RANBP2: variants seen among roughly 807,000 people sequenced by gnomAD.
RANBP2 encodes the protein RAN binding protein 2, also known as E3 SUMO-protein ligase RanBP2.
A neutral mutation model predicts 303.6 loss-of-function variants in RANBP2; 57 were observed. The observed-to-expected ratio is 0.19, with a 90% CI of 0.15 to 0.23. RANBP2 has a LOEUF of 0.23. Among genes scored for constraint, RANBP2 ranks in the 10% least tolerant of loss-of-function variants. RANBP2 has a pLI of 1.00. For synonymous variants in RANBP2, 1,167 were observed against 1,301.5 expected (o/e 0.90, Z 2.23); for missense variants, 3,138 against 3,780.8 (o/e 0.83, Z 4.46).
At chr2:109,115,260 A>G in the RANBP2 span, among the ~76,000 whole-genome samples, 1 of 152,106 alleles carries the variant, frequency 6.6e-6, no homozygotes, top group Non-Finnish European at 1.5e-5. Flanking sequence ...ATTGTGTGGG[A>G]GTCTAAGTCT....
the RANBP2 span, among the ~76,000 whole-genome samples, chr2:109,533,363 A>G: frequency 2.6e-5 from 4 of 152,202 alleles, no homozygotes; most frequent in African/African-American, 9.7e-5. Flanking sequence ...CTCTCTGTGT[A>G]TCTTTAAAAG....
chr2:109,505,246 C>T, the RANBP2 span, among the ~76,000 whole-genome samples: 5 of 152,176 alleles, frequency 3.3e-5, no homozygotes, highest in African/African-American at 7.2e-5. Context: ...AGGGCTGGGC[C>T]GCCAGCCTGA....
At chr2:109,164,324 C>T in the RANBP2 span, among the ~76,000 whole-genome samples, 3 of 152,172 alleles carry the variant, frequency 2.0e-5, no homozygotes, top group East Asian at 3.9e-4. Flanking sequence ...GCTAGGACTA[C>T]AGCACAGGCT....
At chr2:109,220,158 AAGATC>A in the RANBP2 span, among the ~76,000 whole-genome samples, 2 of 152,272 alleles carry the variant, frequency 1.3e-5, no homozygotes, top group Non-Finnish European at 2.9e-5. Context: ...CAAAGAAGCC[AAGATC>A]AGTCAATGAG....
chr2:109,654,144 T>C, the RANBP2 span, among the ~76,000 whole-genome samples: 2 of 152,020 alleles, frequency 1.3e-5, no homozygotes, highest in African/African-American at 2.4e-5. Flanking sequence ...GATTTGGAGT[T>C]CAAGGTTCTC....
At chr2:109,672,745 G>T in the RANBP2 span, among the ~76,000 whole-genome samples, 1 of 152,050 alleles carries the variant, frequency 6.6e-6, no homozygotes, top group African/African-American at 2.4e-5. Flanking sequence ...TTATTTTAAG[G>T]TTATGACATG....
the RANBP2 span, among the ~76,000 whole-genome samples, chr2:108,833,069 A>G: frequency 6.6e-6 from 1 of 152,246 alleles, no homozygotes; most frequent in Non-Finnish European, 1.5e-5. Flanking sequence ...TGGAAAAAGC[A>G]AAAACTGGAG....
the RANBP2 span, among the ~76,000 whole-genome samples, chr2:109,023,995 G>A: frequency 1.3e-5 from 2 of 151,974 alleles, no homozygotes; most frequent in Non-Finnish European, 2.9e-5. Flanking sequence ...GCATGATCTC[G>A]GCTCACCACA....
At chr2:108,832,764 CTAG>C in the RANBP2 span, among the ~76,000 whole-genome samples, 1 of 152,068 alleles carries the variant, frequency 6.6e-6, no homozygotes, top group South Asian at 2.1e-4. Context: ...AGACAGACAC[CTAG>C]TAGTTGAAGG....
the RANBP2 span, among the ~76,000 whole-genome samples, chr2:109,606,714 C>G: frequency 2.7e-5 from 3 of 111,918 alleles, no homozygotes; most frequent in Admixed American, 4.1e-4. Context: ...GAGTCTCACT[C>G]TGTCACTCAG....
At chr2:109,684,235 CCCGG>C in the RANBP2 span, among the ~76,000 whole-genome samples, 2 of 101,874 alleles carry the variant, frequency 2.0e-5, no homozygotes, top group East Asian at 5.5e-4. Context: ...AGCCACCACA[CCCGG>C]TCTTACTTTT....
At chr2:109,602,418 G>C in the RANBP2 span, among the ~76,000 whole-genome samples, 1 of 152,194 alleles carries the variant, frequency 6.6e-6, no homozygotes, top group Admixed American at 6.5e-5. Flanking sequence ...GCTCACGCCT[G>C]TAATGCCAGC....
the RANBP2 span, among the ~76,000 whole-genome samples, chr2:109,072,712 G>A: frequency 8.5e-5 from 13 of 152,300 alleles, no homozygotes; most frequent in South Asian, 2.7e-3. Context: ...TCAGTGCAGA[G>A]CAAGTAGGAG....
chr2:109,622,886 G>T, the RANBP2 span, among the ~76,000 whole-genome samples: 72 of 152,302 alleles, frequency 4.7e-4, no homozygotes, highest in African/African-American at 1.7e-3. Flanking sequence ...CCAGCAATTT[G>T]GGAGGCTGAG....
the RANBP2 span, among the ~76,000 whole-genome samples, chr2:109,536,184 C>A: frequency 6.6e-6 from 1 of 152,130 alleles, no homozygotes; most frequent in Non-Finnish European, 1.5e-5. Context: ...ATCCTCCAGA[C>A]CCCAGAATGG....
the RANBP2 span, among the ~76,000 whole-genome samples, chr2:108,817,580 C>T: frequency 3.4e-4 from 51 of 152,234 alleles, 1 homozygote; most frequent in South Asian, 7.7e-3. Flanking sequence ...CATGAGCCAC[C>T]GTGCCCAGCC....
the RANBP2 span, among the ~76,000 whole-genome samples, chr2:109,012,906 T>A: frequency 2.6e-5 from 4 of 152,056 alleles, no homozygotes; most frequent in Non-Finnish European, 5.9e-5. Context: ...AGAGCGAGAC[T>A]CCATCTCAGA....
At chr2:109,679,931 A>G in the RANBP2 span, among the ~76,000 whole-genome samples, 58,682 of 151,752 alleles carry the variant, frequency 0.39, 12,007 homozygotes, top group Non-Finnish European at 0.46. Flanking sequence ...GCCAGTGTGG[A>G]CCACCCTGCC....
the RANBP2 span, among the ~76,000 whole-genome samples, chr2:109,495,477 CTTTTTTTTTTTTTTT>C: frequency 3.2e-5 from 3 of 94,240 alleles, no homozygotes; most frequent in African/African-American, 4.6e-5. Context: ...TCTTTCATTC[CTTTTTTTTTTTTTTT>C]TTTTTTTTTT....
Sources: gnomAD v4.1 joint callset for allele counts (sites outside exome capture counted in the v4.1 genomes callset) on GRCh38, gnomAD v4.1.1 for gene constraint, MANE v1.5 for transcripts, NCBI Gene and HGNC (gene_info 2026-07-23, HGNC 2026-07-21) for gene names.